The following EXT1 variants were observed in gnomAD, a reference collection of about 807,000 sequenced individuals.
EXT1 encodes exostosin glycosyltransferase 1, also known as exostosin-1.
EXT1 carries 20 observed loss-of-function variants against 82.5 expected under a neutral mutation model. That is an observed-to-expected ratio of 0.24 (90% CI 0.17 to 0.35). The LOEUF is 0.35. EXT1 is among the 10% of genes least tolerant of loss of function. The pLI is 1.00. For missense variants in EXT1, 757 were observed against 936.5 expected, an observed-to-expected ratio of 0.81 and a Z score of 2.50; for synonymous variants, 348 against 350.8, an observed-to-expected ratio of 0.99 and a Z score of 0.09.
At chr8:117,938,488 TAAAC>T (rs1179958917) in intron 1 of EXT1, among the ~76,000 whole-genome samples, 2 of 136,698 alleles carry the variant, frequency 1.5e-5, no homozygotes, top group Non-Finnish European at 1.5e-5. Flanking sequence ...ATAATAATAA[TAAAC>T]AAAATTTAAA....
At chr8:117,930,625 A>C (rs1814041296) in intron 1 of EXT1, among the ~76,000 whole-genome samples, 1 of 152,216 alleles carries the variant, frequency 6.6e-6, no homozygotes, top group Non-Finnish European at 1.5e-5. Context: ...TTATATAAGT[A>C]ACATGACAAG....
At chr8:118,090,629 A>C (rs1817505133) in intron 1 of EXT1, among the ~76,000 whole-genome samples, 1 of 151,580 alleles carries the variant, frequency 6.6e-6, no homozygotes, top group Non-Finnish European at 1.5e-5. Context: ...AATACAAAAA[A>C]TTAACTGCGC....
intron 1 of EXT1, among the ~76,000 whole-genome samples, chr8:118,080,829 A>G (rs1048232132): frequency 4.6e-5 from 7 of 152,176 alleles, no homozygotes; most frequent in Non-Finnish European, 7.4e-5. Context: ...AGGCACTTCA[A>G]TGCAGTGGGA....
At chr8:118,062,178 A>C (rs1816892940) in intron 1 of EXT1, among the ~76,000 whole-genome samples, 1 of 152,198 alleles carries the variant, frequency 6.6e-6, no homozygotes, top group African/African-American at 2.4e-5. Context: ...TCTGCCTCTC[A>C]GCAGTCCTTC....
intron 4 of EXT1, among the ~76,000 whole-genome samples, chr8:117,829,112 A>T (rs531451969): frequency 6.5e-4 from 99 of 152,220 alleles, no homozygotes; most frequent in African/African-American, 2.3e-3. Context: ...TCATTTTGGG[A>T]CACCTCAGAA....
intron 1 of EXT1, among the ~76,000 whole-genome samples, chr8:117,975,920 G>A (rs758684882): frequency 1.9e-4 from 29 of 152,142 alleles, no homozygotes; most frequent in Non-Finnish European, 3.2e-4. Flanking sequence ...GACCCTCGAC[G>A]CTTATATTAG....
At chr8:117,854,371 C>T (rs926236874) in intron 1 of EXT1, among the ~76,000 whole-genome samples, 3 of 152,048 alleles carry the variant, frequency 2.0e-5, no homozygotes. Flanking sequence ...AAACCATTGC[C>T]ACCTCTAACT....
At chr8:117,885,920 G>A (rs1312571841) in intron 1 of EXT1, among the ~76,000 whole-genome samples, 1 of 152,188 alleles carries the variant, frequency 6.6e-6, no homozygotes, top group African/African-American at 2.4e-5. Flanking sequence ...CTTTAATCAA[G>A]GGCTGGCAGG....
rs149394569 is a variant in EXT1, at chr8:117,806,642, C to T, written c.1883+575G>A. ...ACAACACTCTTGGTGCACATGTCCT[C>T]TTGACTTCCTGTCCTTCAAGTCTCT... On this transcript the variant is annotated intron_variant, in intron 9 of 10. Coordinates refer to ENST00000378204, the MANE Select transcript of EXT1 (RefSeq NM_000127.3). Among the ~76,000 whole-genome samples, 5 of 152,338 alleles carry T rather than the reference C, an allele frequency of 3.3e-5. No homozygotes were observed. In the South Asian group the frequency reaches 8.3e-4, roughly 25 times the overall value.
At chr8:117,818,591 C>A (rs2129737261) in intron 6 of EXT1, 61 bp from the exon 7 acceptor site, 1 of 1,250,226 alleles carries the variant, frequency 8.0e-7, no homozygotes, top group Non-Finnish European at 1.2e-6. Context: ...TGCCTCCAAC[C>A]CAAAGCCTCT....
chr8:117,814,234 G>GGTGTGTGTGCGT (rs1811751187), intron 7 of EXT1, among the ~76,000 whole-genome samples: 2 of 146,738 alleles, frequency 1.4e-5, no homozygotes, highest in African/African-American at 5.0e-5. Flanking sequence ...CACACACAGT[G>GGTGTGTGTGCGT]GTGTGTGTGT....
chr8:117,990,081 G>A (rs376330739), intron 1 of EXT1, among the ~76,000 whole-genome samples: 17 of 152,220 alleles, frequency 1.1e-4, no homozygotes, highest in South Asian at 8.3e-4. Context: ...GCTGAGGCAC[G>A]AGAATCACTT....
intron 1 of EXT1, among the ~76,000 whole-genome samples, chr8:118,057,550 A>T (rs937003944): frequency 8.6e-5 from 13 of 151,580 alleles, no homozygotes; most frequent in Middle Eastern, 3.4e-3. Flanking sequence ...ATCTTAATTT[A>T]AAAAAAAAGA....
intron 1 of EXT1, among the ~76,000 whole-genome samples, chr8:117,978,546 C>T (rs1815116117): frequency 6.6e-6 from 1 of 152,024 alleles, no homozygotes; most frequent in Non-Finnish European, 1.5e-5. Context: ...GGTCATATTT[C>T]TGTTTGAGGA....
At chr8:117,872,160 AAGGG>A (rs549434816) in intron 1 of EXT1, among the ~76,000 whole-genome samples, 25 of 141,372 alleles carry the variant, frequency 1.8e-4, no homozygotes, top group African/African-American at 3.3e-4. Flanking sequence ...AAGGAAAAGG[AAGGG>A]AGGGAGGGAG....
chr8:117,980,798 G>C lies in EXT1; in HGVS notation c.962+129287C>G, dbSNP rs1330206571. The stretch of plus-strand genomic sequence containing the variant: ...AACACTGTTTTCACAGCAGCTGGAG[G>C]GCAGAGGCTGCTGTCCTCTCTCTTG... On this transcript the variant is annotated intron_variant, in intron 1 of 10. Coordinates refer to ENST00000378204, the MANE Select transcript of EXT1 (RefSeq NM_000127.3). Among the ~76,000 whole-genome samples, 3 of 151,110 alleles carry C rather than the reference G, an allele frequency of 2.0e-5. No individual in the cohort carries two copies. The East Asian group carries it at 5.9e-4, about 30-fold the overall frequency.
chr8:117,900,238 C>T (rs1813416303), intron 1 of EXT1, among the ~76,000 whole-genome samples: 1 of 152,104 alleles, frequency 6.6e-6, no homozygotes, highest in Non-Finnish European at 1.5e-5. Context: ...AAGCACCCAG[C>T]GAAGAAGAGC....
intron 1 of EXT1, among the ~76,000 whole-genome samples, chr8:118,044,819 G>A (rs1039112493): frequency 6.6e-6 from 1 of 152,120 alleles, no homozygotes; most frequent in Non-Finnish European, 1.5e-5. Flanking sequence ...GACTACAGGC[G>A]CCCCACCGCA....
intron 1 of EXT1, among the ~76,000 whole-genome samples, chr8:118,078,693 T>C (rs1817254857): frequency 6.6e-6 from 1 of 152,118 alleles, no homozygotes; most frequent in African/African-American, 2.4e-5. Context: ...TTACATCACA[T>C]ACCACCATGT....
Sources: gnomAD v4.1 joint callset for allele counts (sites outside exome capture counted in the v4.1 genomes callset) on GRCh38, gnomAD v4.1.1 for gene constraint, MANE v1.5 for transcripts, NCBI Gene and HGNC (gene_info 2026-07-23, HGNC 2026-07-21) for gene names.